Variants in PHLDB2 observed in about 807,000 individuals in gnomAD.
The protein encoded by PHLDB2 is pleckstrin homology like domain family B member 2.
PHLDB2 carries 71 observed loss-of-function variants against 123.6 expected under a neutral mutation model. The ratio of observed to expected loss-of-function variants is 0.57; its 90% CI spans 0.47 to 0.70. The LOEUF is 0.70. Ranked by LOEUF, PHLDB2 falls within the 30% of genes least tolerant of loss-of-function variation. The probability of loss-of-function intolerance (pLI) is 0.00; values close to 1 mark genes in which losing one functional copy is unlikely to be tolerated. For synonymous variants in PHLDB2, 547 were observed against 541.6 expected (o/e 1.01, Z -0.14); for missense variants, 1,446 against 1,519.5 (o/e 0.95, Z 0.80).
intron 1 of PHLDB2, among the ~76,000 whole-genome samples, chr3:111,842,494 G>A (rs1359002484): frequency 6.6e-6 from 1 of 152,108 alleles, no homozygotes. Context: ...CATTCTATGG[G>A]TTTAGACAAA....
In PHLDB2 at chr3:111,973,744, C is replaced by T; in HGVS notation, c.3548C>T (p.Thr1183Ile). ...TCTGTCTTTGCAGACAAGCATGAAA[C>T]TAAATTGAAAGGAGTAATATACTTT... ...TFSYYADKHE[T>I]KLKGVIYFQA... Residue 1183 changes from threonine (T) to isoleucine (I), a missense_variant, in exon 17 of 18, where the codon ACT becomes ATT. Coordinates refer to ENST00000431670, the MANE Select transcript of PHLDB2 (RefSeq NM_001134438.2). 6.3e-7 allele frequency: 1 copy of T among 1,596,438 alleles called. No homozygotes were observed. Among genetic ancestry groups the T allele is most frequent in the Non-Finnish European group, 8.6e-7 (1 of 1,168,206 alleles).
chr3:111,893,813 T>G (rs1489918802), intron 2 of PHLDB2, among the ~76,000 whole-genome samples: 2 of 148,544 alleles, frequency 1.3e-5, no homozygotes, highest in East Asian at 3.9e-4. Flanking sequence ...AGCACAGGAG[T>G]AGATTGACGA....
At chr3:111,951,425 A>T (rs2070711946) in intron 10 of PHLDB2, among the ~76,000 whole-genome samples, 1 of 152,246 alleles carries the variant, frequency 6.6e-6, no homozygotes, top group African/African-American at 2.4e-5. Flanking sequence ...TAAACAGTTA[A>T]TTATAAAGTT....
rs1051311351 is a variant in PHLDB2, at chr3:111,917,900, T to C, written c.1720-1172T>C. 2.0e-5 allele frequency among the ~76,000 whole-genome samples: 3 copies of C among 152,154 alleles called. No individual in the cohort carries two copies. In the East Asian group the frequency reaches 5.8e-4, roughly 29 times the overall value. On this transcript the variant is annotated intron_variant, in intron 3 of 17. Coordinates refer to ENST00000431670, the MANE Select transcript of PHLDB2 (RefSeq NM_001134438.2). ...GTTTTTTGGGGGGTTAATTTGAAGA[T>C]TTTTTTTAATAATTAGTGACAAATA...
rs1447476076 is a variant in PHLDB2 at position 111,884,838 on chromosome 3, G to A, written c.761G>A (p.Arg254Gln). ...CTGAGTCACATGGGAGCCTACAGCC[G>A]ATCACTTCCCAGGTTGTACAGAGCC... Reference protein sequence around the residue: ...SSLSHMGAYSRSLPRLYRATE... With the variant: ...SSLSHMGAYSQSLPRLYRATE... Residue 254 changes from arginine (R) to glutamine (Q), a missense_variant, in exon 2 of 18, where the codon CGA becomes CAA. Transcript: ENST00000431670. The A allele has an allele frequency of 4.3e-6, 7 of 1,613,884 alleles. No individual in the cohort carries two copies. Among genetic ancestry groups the A allele is most frequent in the African/African-American group, 2.7e-5 (2 of 74,864 alleles).
At chr3:111,813,796 T>G (rs193282168) in intron 1 of PHLDB2, among the ~76,000 whole-genome samples, 8 of 152,344 alleles carry the variant, frequency 5.3e-5, no homozygotes, top group Admixed American at 5.2e-4. Context: ...TTGTGTGATA[T>G]TTAGGCCACT....
intron 1 of PHLDB2, among the ~76,000 whole-genome samples, chr3:111,868,509 T>A (rs1158972361): frequency 6.6e-6 from 1 of 152,158 alleles, no homozygotes; most frequent in Admixed American, 6.5e-5. Flanking sequence ...CTTTCCCATA[T>A]TTTAGAATTA....
intron 1 of PHLDB2, among the ~76,000 whole-genome samples, chr3:111,746,772 A>G (rs2059688003): frequency 6.6e-6 from 1 of 152,184 alleles, no homozygotes; most frequent in African/African-American, 2.4e-5. Flanking sequence ...CTGTCTCTAA[A>G]AATTTTCTTT....
At chr3:111,784,452 C>T (rs566818295) in intron 1 of PHLDB2, among the ~76,000 whole-genome samples, 1 of 152,162 alleles carries the variant, frequency 6.6e-6, no homozygotes, top group South Asian at 2.1e-4. Context: ...TCCTTTTTTC[C>T]TGCCTCAGTG....
intron 1 of PHLDB2, chr3:111,859,897 C>A: frequency 1.1e-5 from 11 of 983,202 alleles, no homozygotes; most frequent in Non-Finnish European, 1.2e-5. Context: ...GCTCCGGGGA[C>A]ACAGAGTTTC....
At chr3:111,965,800 T>A (rs991031637) in intron 13 of PHLDB2, among the ~76,000 whole-genome samples, 2 of 152,236 alleles carry the variant, frequency 1.3e-5, no homozygotes, top group African/African-American at 4.8e-5. Flanking sequence ...TCAAATAGAA[T>A]GTAAGCGGTG....
chr3:111,879,440 G>A (rs1403225338), intron 1 of PHLDB2, among the ~76,000 whole-genome samples: 5 of 152,142 alleles, frequency 3.3e-5, no homozygotes, highest in Non-Finnish European at 7.3e-5. Context: ...TTAAGTGGAA[G>A]TGGATCATTA....
In PHLDB2 at chr3:111,948,299, T is replaced by C. The variant is rs73230473; in HGVS notation, c.2488-633T>C. The stretch of plus-strand genomic sequence containing the variant: ...TCTGTGTGTTTGTGCATGCACACAT[T>C]TGTTTTGTTAGGGAAGACTCACCTG... On this transcript the variant is annotated intron_variant, in intron 9 of 17. Transcript: ENST00000431670. 8.3e-3 allele frequency among the ~76,000 whole-genome samples: 1,259 copies of C among 152,202 alleles called. 6 individuals are homozygous for C. The highest frequency in any genetic ancestry group is 0.017 in the Middle Eastern group (5 of 294).
chr3:111,780,271 A>AGAAGAAAG (rs34178824), intron 1 of PHLDB2, among the ~76,000 whole-genome samples: 9 of 7,786 alleles, frequency 1.2e-3, no homozygotes, highest in East Asian at 2.2e-3. Context: ...AAGAAGAAGA[A>AGAAGAAAG]AAGAAGAAGA....
intron 5 of PHLDB2, among the ~76,000 whole-genome samples, chr3:111,930,728 C>T (rs1306572821): frequency 6.6e-6 from 1 of 152,190 alleles, no homozygotes; most frequent in Non-Finnish European, 1.5e-5. Context: ...ATTGCTTTCT[C>T]CAACTCTTGC....
intron 8 of PHLDB2, among the ~76,000 whole-genome samples, chr3:111,941,083 T>C (rs1024278035): frequency 6.6e-6 from 1 of 152,232 alleles, no homozygotes; most frequent in Non-Finnish European, 1.5e-5. Flanking sequence ...TGGGTCTTTC[T>C]AGCAAATGTC....
At chr3:111,958,309 G>A (rs1452627441) in intron 12 of PHLDB2, 2 of 992,010 alleles carry the variant, frequency 2.0e-6, no homozygotes, top group Non-Finnish European at 2.4e-6. Context: ...AGCTATGACA[G>A]GCTGAATTGT....
chr3:111,884,981 C>T lies in PHLDB2; in HGVS notation c.904C>T (p.Leu302Phe), dbSNP rs568654011. The change falls in exon 2 of 18, where the codon CTT (leucine) becomes TTT (phenylalanine). Residue 302 changes from leucine (L) to phenylalanine (F), a missense_variant. By Grantham distance (22) the Leu-to-Phe change is conservative (BLOSUM62 0). Coordinates refer to ENST00000431670, the MANE Select transcript of PHLDB2 (RefSeq NM_001134438.2). ...TAGCGTAATAGACAATGACAATTAC[C>T]TTAATTTTTCTTCTTTGAGCTCAGG... ...PHSVIDNDNY[L>F]NFSSLSSGAL... The T allele has an allele frequency of 5.6e-6, 9 of 1,614,058 alleles. No individual in the cohort carries two copies. The South Asian group carries it at 6.6e-5, about 12-fold the overall frequency.
At chr3:111,737,173 C>G (rs940935310) in intron 1 of PHLDB2, among the ~76,000 whole-genome samples, 1 of 152,192 alleles carries the variant, frequency 6.6e-6, no homozygotes, top group Non-Finnish European at 1.5e-5. Context: ...CTAAGATGTT[C>G]TGAAGGGTCC....
Sources: gnomAD v4.1 joint callset for allele counts (sites outside exome capture counted in the v4.1 genomes callset) on GRCh38, gnomAD v4.1.1 for gene constraint, MANE v1.5 for transcripts, NCBI Gene and HGNC (gene_info 2026-07-23, HGNC 2026-07-21) for gene names.